RAB1A: variants seen among roughly 807,000 people sequenced by gnomAD.
The protein encoded by RAB1A is RAB1A, member RAS oncogene family.
A neutral mutation model predicts 26.0 loss-of-function variants in RAB1A; 2 were observed. That is an observed-to-expected ratio of 0.08 (90% confidence interval 0.03 to 0.24). RAB1A has a LOEUF of 0.24. RAB1A is among the 10% of genes least tolerant of loss of function. RAB1A has a pLI of 1.00. For missense variants in RAB1A, 100 were observed against 247.0 expected (o/e 0.40, Z 3.99); for synonymous variants, 84 against 84.9 (o/e 0.99, Z 0.06).
intron 1 of RAB1A, among the ~76,000 whole-genome samples, chr2:65,123,198 T>C (rs1413309601): frequency 7.3e-6 from 1 of 137,044 alleles, no homozygotes; most frequent in African/African-American, 2.7e-5. Flanking sequence ...TGAGACAGAG[T>C]CTCGCTCTGT....
intron 2 of RAB1A, among the ~76,000 whole-genome samples, chr2:65,102,803 A>G (rs1298597546): frequency 6.6e-6 from 1 of 151,940 alleles, no homozygotes; most frequent in East Asian, 1.9e-4. Flanking sequence ...GCAGGTGCCT[A>G]TAATCCCAGC....
chr2:65,107,110 G>A (rs541947819), intron 1 of RAB1A, among the ~76,000 whole-genome samples: 129 of 151,186 alleles, frequency 8.5e-4, no homozygotes, highest in Non-Finnish European at 7.4e-4. Context: ...CTGTTGCCCA[G>A]GCTGGAGTGC....
In RAB1A at chr2:65,088,924, A is replaced by G. The variant is rs144260431; in HGVS notation, c.420+15T>C. The stretch of plus-strand genomic sequence containing the variant: ...CACCTTCAAATTCAGTATGAAAATT[A>G]AACTTTAAACATACCTTCGCTGTTG... On this transcript the variant is annotated intron_variant, in intron 5 of 5. Coordinates refer to ENST00000409784, the MANE Select transcript of RAB1A (RefSeq NM_004161.5). 603 of 1,587,780 alleles carry G rather than the reference A, an allele frequency of 3.8e-4. 1 individual carries two copies. The African/African-American group carries it at 7.2e-3, about 19-fold the overall frequency.
Position 65,098,074 on chromosome 2 carries a change from G to C in RAB1A, c.97-8C>G, listed in dbSNP as rs774001174. ...TTCTGTATATGTATCATCCTGAAGG[G>C]GGAAATAATTAACAATTAAATGTAT... On this transcript the variant is annotated splice_polypyrimidine_tract_variant and splice_region_variant and intron_variant, in intron 2 of 5. Transcript: ENST00000409784. 1 of 1,458,112 alleles carries C rather than the reference G, an allele frequency of 6.9e-7. No individual in the cohort carries two copies. The highest frequency in any genetic ancestry group is 2.3e-5 in the Admixed American group (1 of 44,208). The allele number at this position is 1,458,112 out of a possible 1,614,324, so 90.3% of individuals were successfully genotyped here. A position where few individuals can be genotyped will look rare whatever the true frequency, so the allele number is the denominator to read the frequency against.
Position 65,088,537 on chromosome 2 carries a change from T to C in RAB1A, c.574A>G (p.Ile192Val), listed in dbSNP as rs1182931499. The change falls in exon 6 of 6, where the codon ATT becomes GTT. Residue 192 changes from isoleucine (I) to valine (V), a missense_variant. Around this residue, in one of 2 missense-constraint regions of RAB1A, gnomAD observed 67 missense variants for 122.9 expected, o/e 0.55. Coordinates refer to ENST00000409784, the MANE Select transcript of RAB1A (RefSeq NM_004161.5). Reference sequence around the variant, plus strand: ...GACTGCTTGACTGGAGTGCTCTGAATTTTAACATTGGACTTCTCAGCACCA... The same window carrying C: ...GACTGCTTGACTGGAGTGCTCTGAACTTTAACATTGGACTTCTCAGCACCA... Reference protein sequence around the residue: ...AGGAEKSNVKIQSTPVKQSGG... With the variant: ...AGGAEKSNVKVQSTPVKQSGG... The C allele has an allele frequency of 6.2e-7, 1 of 1,613,446 alleles. No individual in the cohort carries two copies. Among genetic ancestry groups the C allele is most frequent in the Non-Finnish European group, 8.5e-7 (1 of 1,179,740 alleles).
Position 65,122,154 on chromosome 2 carries a change from TCAAAAAAAA to T in RAB1A, c.23+7730_23+7738del, listed in dbSNP as rs1167803033. 4.4e-4 allele frequency among the ~76,000 whole-genome samples: 51 copies of T among 115,788 alleles called. 1 individual carries two copies. Among genetic ancestry groups the T allele is most frequent in the African/African-American group, 1.9e-3 (50 of 26,758 alleles). 76.0% of individuals were successfully genotyped at this position (115,788 alleles called of 152,430 possible). The stretch of plus-strand genomic sequence containing the variant: ...CTGGGTGACAGAGCAAGACTCTATC[TCAAAAAAAA>T]AAAAAAAAAAAAAAAAAAAAAAGCT... On this transcript the variant is annotated intron_variant, in intron 1 of 5. Coordinates refer to ENST00000409784, the MANE Select transcript of RAB1A (RefSeq NM_004161.5).
At chr2:65,099,770 CCA>C (rs1303840546) in intron 2 of RAB1A, among the ~76,000 whole-genome samples, 2 of 152,128 alleles carry the variant, frequency 1.3e-5, no homozygotes, top group African/African-American at 4.8e-5. Context: ...GTGTGAGCCA[CCA>C]AACTTTTTCA....
At chr2:65,128,596 C>T (rs751638586) in intron 1 of RAB1A, among the ~76,000 whole-genome samples, 5 of 152,198 alleles carry the variant, frequency 3.3e-5, no homozygotes, top group African/African-American at 9.6e-5. Flanking sequence ...TCAAGCCACA[C>T]TATTACAAAA....
At chr2:65,094,560 G>A (rs571588592) in intron 3 of RAB1A, among the ~76,000 whole-genome samples, 1 of 149,848 alleles carries the variant, frequency 6.7e-6, no homozygotes, top group Non-Finnish European at 1.5e-5. Flanking sequence ...CTCCAGTCTG[G>A]GCAACAAGAG....
chr2:65,087,119 T>TTG lies in RAB1A; in HGVS notation c.*1373_*1374insCA, dbSNP rs1669051206. 1 of 152,234 alleles carries TTG rather than the reference T, an allele frequency of 6.6e-6. No individual in the cohort carries two copies. The highest frequency in any genetic ancestry group is 1.5e-5 in the Non-Finnish European group (1 of 68,042). The allele number at this position is 152,234 out of a possible 1,614,324, so 9.4% of individuals were successfully genotyped here. A position where few individuals can be genotyped will look rare whatever the true frequency, so the allele number is the denominator to read the frequency against. On this transcript the variant is annotated 3_prime_UTR_variant, in exon 6 of 6. Coordinates refer to ENST00000409784, the MANE Select transcript of RAB1A (RefSeq NM_004161.5). ...CCTGCGTGAAGAATGTTTTGGCTGC[T>TTG]ATTTCAACCTAAGGAAACAACGTTT...
At chr2:65,107,273 G>C (rs1004310871) in intron 1 of RAB1A, among the ~76,000 whole-genome samples, 1 of 150,616 alleles carries the variant, frequency 6.6e-6, no homozygotes, top group Non-Finnish European at 1.5e-5. Context: ...CATCATGTTG[G>C]AGGCTGTTCT....
chr2:65,124,798 C>T (rs1334001974), intron 1 of RAB1A, among the ~76,000 whole-genome samples: 1 of 152,094 alleles, frequency 6.6e-6, no homozygotes, highest in Non-Finnish European at 1.5e-5. Context: ...ATCTCATTCA[C>T]ACAAAATTCT....
intron 2 of RAB1A, among the ~76,000 whole-genome samples, chr2:65,099,870 G>T (rs180882964): frequency 2.0e-5 from 3 of 152,264 alleles, no homozygotes. Context: ...ATTACAGAAA[G>T]AGGGACAAAC....
chr2:65,113,021 C>A (rs1180654064), intron 1 of RAB1A, among the ~76,000 whole-genome samples: 2 of 151,914 alleles, frequency 1.3e-5, no homozygotes, highest in African/African-American at 2.4e-5. Flanking sequence ...CCAGCCTGGG[C>A]AACATAGAGA....
rs570942799 is a variant in RAB1A, at chr2:65,096,307, T to C, written c.192+1664A>G. 8.5e-5 allele frequency among the ~76,000 whole-genome samples: 13 copies of C among 152,206 alleles called. No homozygotes were observed. The South Asian group carries it at 2.1e-3, about 24-fold the overall frequency. ...TCCAGCCTGGGAGACAGAGCAATACTGTATCTCAAAAAATAAAAAAACAAA... is the reference window on the plus strand; with the variant it reads ...TCCAGCCTGGGAGACAGAGCAATACCGTATCTCAAAAAATAAAAAAACAAA... On this transcript the variant is annotated intron_variant, in intron 3 of 5. Coordinates refer to ENST00000409784, the MANE Select transcript of RAB1A (RefSeq NM_004161.5).
At chr2:65,104,687 G>T in intron 2 of RAB1A, 47 bp downstream of exon 2, 2 of 1,252,924 alleles carry the variant, frequency 1.6e-6, no homozygotes, top group Non-Finnish European at 2.3e-6. Context: ...AACATACATA[G>T]CATTAATTGT....
chr2:65,095,704 G>C (rs1669267033), intron 3 of RAB1A, among the ~76,000 whole-genome samples: 1 of 150,942 alleles, frequency 6.6e-6, no homozygotes, highest in South Asian at 2.2e-4. Context: ...TCGAAAAAAT[G>C]GTAAGCTTCT....
At chr2:65,104,979 TC>T in intron 1 of RAB1A, 173 bp from the exon 2 acceptor site, 1 of 721,818 alleles carries the variant, frequency 1.4e-6, no homozygotes, top group Non-Finnish European at 2.5e-6. Flanking sequence ...TTCTGACAGA[TC>T]ACTAAACATG....
chr2:65,088,855 A>G (rs1669101469), intron 5 of RAB1A, 84 bp downstream of exon 5: 1 of 1,416,008 alleles, frequency 7.1e-7, no homozygotes, highest in African/African-American at 1.4e-5. Context: ...TATTTTTAAA[A>G]GGCTGTGGCC....
Sources: allele counts gnomAD v4.1 joint callset (sites outside exome capture counted in the v4.1 genomes callset), GRCh38; gene constraint gnomAD v4.1.1; regional missense constraint gnomAD v4.1.1; transcripts MANE v1.5; gene names NCBI Gene and HGNC (gene_info 2026-07-23, HGNC 2026-07-21).